PCDHA1: variants seen among roughly 807,000 people sequenced by gnomAD.
The protein encoded by PCDHA1 is protocadherin alpha 1, also known as protocadherin alpha-1.
In PCDHA1, 42 loss-of-function variants were observed where a neutral mutation model predicts 61.3. That is an observed-to-expected ratio of 0.69 (90% confidence interval 0.54 to 0.89). The LOEUF is 0.89. Among genes scored for constraint, PCDHA1 ranks in the 40% least tolerant of loss-of-function variants. The pLI is 0.00. For synonymous variants in PCDHA1, 610 were observed against 553.8 expected (o/e 1.10, Z -1.43); for missense variants, 1,256 against 1,235.3 (o/e 1.02, Z -0.25).
intron 1 of PCDHA1, chr5:140,968,053 A>C: frequency 6.2e-7 from 1 of 1,614,154 alleles, no homozygotes; most frequent in Non-Finnish European, 8.5e-7. Flanking sequence ...CACTGGACCG[A>C]GAGCGGGTGG....
intron 1 of PCDHA1, among the ~76,000 whole-genome samples, chr5:140,912,341 G>GT (rs1430124831): frequency 9.5e-5 from 12 of 126,362 alleles, no homozygotes; most frequent in African/African-American, 4.2e-4. Flanking sequence ...AGTACACTAA[G>GT]TATTTTTTTT....
intron 1 of PCDHA1, among the ~76,000 whole-genome samples, chr5:140,945,889 A>G (rs2093857848): frequency 6.6e-6 from 1 of 152,074 alleles, no homozygotes; most frequent in African/African-American, 2.4e-5. Flanking sequence ...CAAAGAAAAC[A>G]CAGTGGGAAA....
chr5:140,828,017 TA>T lies in PCDHA1; in HGVS notation c.2394+39336del, dbSNP rs1483832628. 6 of 1,514,042 alleles carry T rather than the reference TA, an allele frequency of 4.0e-6. No individual in the cohort carries two copies. In the African/African-American group the frequency reaches 8.4e-5, roughly 21 times the overall value. 93.8% of individuals were successfully genotyped at this position (1,514,042 alleles called of 1,614,324 possible). A position where few individuals can be genotyped will look rare whatever the true frequency, so the allele number is the denominator to read the frequency against. ...GGCGGACGCAGAAGAAATGGATTAA[TA>T]AATTCCGGAACATACAGTATTTTAT... is the stretch of plus-strand genomic sequence containing the variant. On this transcript the variant is annotated intron_variant, in intron 1 of 3. Transcript: ENST00000504120.
At chr5:140,895,143 A>C (rs115893558) in intron 1 of PCDHA1, among the ~76,000 whole-genome samples, 3,577 of 152,272 alleles carry the variant, frequency 0.023, 51 homozygotes, top group Middle Eastern at 0.034. Flanking sequence ...CATAGGGCTA[A>C]GACAGGTTTA....
At chr5:140,798,485 A>G (rs1762329932) in intron 1 of PCDHA1, among the ~76,000 whole-genome samples, 1 of 152,146 alleles carries the variant, frequency 6.6e-6, no homozygotes, top group South Asian at 2.1e-4. Flanking sequence ...ATTTAAGTGG[A>G]GACTACCCAG....
At chr5:140,984,826 T>C (rs1554246543) in intron 3 of PCDHA1, among the ~76,000 whole-genome samples, 4 of 152,188 alleles carry the variant, frequency 2.6e-5, no homozygotes, top group African/African-American at 9.6e-5. Context: ...TTAATTACCC[T>C]TTCTGTAAAT....
chr5:140,992,807 C>T (rs781970284), intron 3 of PCDHA1, among the ~76,000 whole-genome samples: 2 of 152,226 alleles, frequency 1.3e-5, no homozygotes, highest in African/African-American at 4.8e-5. Flanking sequence ...CCATATGTAT[C>T]TAAGGATGTG....
chr5:140,801,151 A>G, intron 1 of PCDHA1: 1 of 1,531,188 alleles, frequency 6.5e-7, no homozygotes, highest in South Asian at 1.3e-5. Flanking sequence ...TTATTTTTAA[A>G]CTTTGGATCA....
Position 140,843,585 on chromosome 5 carries a change from C to T in PCDHA1, c.2394+54901C>T, listed in dbSNP as rs2150363108. ...AGCTGGTCATACTCGCAACAACAGC[C>T]GCAGAGGGTGTGCTCTGGTGAGGGG... On this transcript the variant is annotated intron_variant, in intron 1 of 3. Coordinates refer to ENST00000504120, the MANE Select transcript of PCDHA1 (RefSeq NM_018900.4). 2.5e-6 allele frequency: 4 copies of T among 1,596,014 alleles called. No homozygotes were observed. The South Asian group carries it at 4.4e-5, about 18-fold the overall frequency.
chr5:140,883,672 T>C (rs782302494), intron 1 of PCDHA1: 2 of 1,613,366 alleles, frequency 1.2e-6, no homozygotes, highest in Non-Finnish European at 1.7e-6. Context: ...AGGAAAACAA[T>C]CCGCCGGGCT....
rs745800805 is a variant in PCDHA1, at chr5:140,935,890, T to C, written c.2395-43059T>C. 2.5e-4 allele frequency among the ~76,000 whole-genome samples: 34 copies of C among 135,750 alleles called. 1 individual carries two copies. Among genetic ancestry groups the C allele is most frequent in the Non-Finnish European group, 4.4e-4 (27 of 61,954 alleles). 89.1% of individuals were successfully genotyped at this position (135,750 alleles called of 152,430 possible). A position where few individuals can be genotyped will look rare whatever the true frequency, so the allele number is the denominator to read the frequency against. On this transcript the variant is annotated intron_variant, in intron 1 of 3. Coordinates refer to ENST00000504120, the MANE Select transcript of PCDHA1 (RefSeq NM_018900.4). ...ATTAATGAGCTCCAATTTATCAATA[T>C]TATCTTTTTTTTTTTTTTTTGAGAC...
chr5:140,823,151 A>G (rs1554129165), intron 1 of PCDHA1: 2 of 1,613,766 alleles, frequency 1.2e-6, no homozygotes, highest in African/African-American at 1.3e-5. Flanking sequence ...CAGCCCCAGT[A>G]TACCGTGTTC....
At chr5:140,922,715 G>A (rs1221596173) in intron 1 of PCDHA1, among the ~76,000 whole-genome samples, 1 of 152,038 alleles carries the variant, frequency 6.6e-6, no homozygotes, top group East Asian at 1.9e-4. Flanking sequence ...AGAACAAAAA[G>A]AAACACTTGA....
chr5:140,819,603 G>T (rs779566497), intron 1 of PCDHA1, among the ~76,000 whole-genome samples: 1 of 152,060 alleles, frequency 6.6e-6, no homozygotes, highest in Non-Finnish European at 1.5e-5. Flanking sequence ...TTCCTGTGGA[G>T]TCTCCCATGA....
chr5:140,825,383 AATAT>A (rs1355293929), intron 1 of PCDHA1: 2 of 143,660 alleles, frequency 1.4e-5, no homozygotes, highest in Non-Finnish European at 3.0e-5. Context: ...TAAAATATCT[AATAT>A]ATATCTAATA....
intron 3 of PCDHA1, among the ~76,000 whole-genome samples, chr5:140,997,106 C>T (rs2153943751): frequency 6.6e-6 from 1 of 152,162 alleles, no homozygotes; most frequent in South Asian, 2.1e-4. Context: ...CTCATGCACT[C>T]CTGCTCTCCC....
intron 1 of PCDHA1, chr5:140,795,229 C>T (rs1554119311): frequency 1.2e-6 from 2 of 1,614,228 alleles, no homozygotes; most frequent in Admixed American, 1.7e-5. Context: ...TGTGAATTCT[C>T]GGATCGACCG....
intron 1 of PCDHA1, chr5:140,834,417 C>T: frequency 6.2e-7 from 1 of 1,611,544 alleles, no homozygotes; most frequent in Non-Finnish European, 8.5e-7. Flanking sequence ...CCCAGGGGGC[C>T]GACATCTACT....
At chr5:140,900,373 G>T (rs1225159327) in intron 1 of PCDHA1, among the ~76,000 whole-genome samples, 2 of 152,118 alleles carry the variant, frequency 1.3e-5, no homozygotes, top group Non-Finnish European at 2.9e-5. Flanking sequence ...TGCCTCCTGG[G>T]TTCAAGCGAT....
Sources: allele counts gnomAD v4.1 joint callset (sites outside exome capture counted in the v4.1 genomes callset), GRCh38; gene constraint gnomAD v4.1.1; transcripts MANE v1.5; gene names NCBI Gene and HGNC (gene_info 2026-07-23, HGNC 2026-07-21).